SOHLH2: variants seen among roughly 807,000 people sequenced by gnomAD.
SOHLH2 encodes the protein spermatogenesis- and oogenesis-specific basic helix-loop-helix-containing protein 2.
In SOHLH2, 22 loss-of-function variants were observed where a neutral mutation model predicts 50.4. The ratio of observed to expected loss-of-function variants is 0.44; its 90% CI spans 0.31 to 0.62. The LOEUF is 0.62. SOHLH2 is among the 20% of genes least tolerant of loss of function. The probability of loss-of-function intolerance (pLI) is 0.08; values close to 1 mark genes in which losing one functional copy is unlikely to be tolerated. For missense variants in SOHLH2, 412 were observed against 504.4 expected, an observed-to-expected ratio of 0.82 and a Z score of 1.76; for synonymous variants, 185 against 187.3, an observed-to-expected ratio of 0.99 and a Z score of 0.10.
chr13:36,191,307 A>G (rs537211455), intron 5 of SOHLH2, among the ~76,000 whole-genome samples: 1 of 152,348 alleles, frequency 6.6e-6, no homozygotes, highest in African/African-American at 2.4e-5. Context: ...TACATGAGGT[A>G]CGTAAAAGAT....
At chr13:36,188,994 A>G (rs1887502459) in intron 6 of SOHLH2, among the ~76,000 whole-genome samples, 1 of 152,172 alleles carries the variant, frequency 6.6e-6, no homozygotes, top group African/African-American at 2.4e-5. Context: ...AAAAATAAAA[A>G]TATATTTACC....
chr13:36,170,420 C>T, intron 10 of SOHLH2, 111 bp downstream of exon 10: 1 of 1,456,298 alleles, frequency 6.9e-7, no homozygotes, highest in Non-Finnish European at 9.1e-7. Context: ...CAGAATCAAG[C>T]TCTTAGGTCC....
chr13:36,202,168 A>T, intron 1 of SOHLH2, 75 bp from the exon 2 acceptor site: 1 of 1,540,804 alleles, frequency 6.5e-7, no homozygotes, highest in South Asian at 1.2e-5. Flanking sequence ...TGAGAGGATA[A>T]GATAAATAAA....
At chr13:36,204,020 G>A (rs9575558) in intron 1 of SOHLH2, among the ~76,000 whole-genome samples, 22,896 of 144,184 alleles carry the variant, frequency 0.16, 2,144 homozygotes, top group East Asian at 0.42. Flanking sequence ...GCGTGATCTC[G>A]GCTCACTGTA....
chr13:36,179,315 A>G (rs1887182662), intron 6 of SOHLH2, among the ~76,000 whole-genome samples: 1 of 152,160 alleles, frequency 6.6e-6, no homozygotes, highest in Non-Finnish European at 1.5e-5. Context: ...TTGTTTTTTA[A>G]TGATAATGGT....
chr13:36,174,628 C>T, intron 7 of SOHLH2, 61 bp from the exon 8 acceptor site: 2 of 1,603,388 alleles, frequency 1.2e-6, no homozygotes, highest in Non-Finnish European at 8.5e-7. Context: ...TACAAAGACA[C>T]ATACTTTCCA....
intron 10 of SOHLH2, among the ~76,000 whole-genome samples, chr13:36,169,376 A>G (rs533349073): frequency 3.9e-5 from 6 of 152,304 alleles, no homozygotes; most frequent in South Asian, 2.1e-4. Flanking sequence ...CGATATCTGT[A>G]GACACTACAT....
Position 36,193,605 on chromosome 13 carries a change from G to T in SOHLH2, c.430+16C>A. 1.3e-6 allele frequency: 2 copies of T among 1,575,508 alleles called. No homozygotes were observed. Among genetic ancestry groups the T allele is most frequent in the Non-Finnish European group, 1.7e-6 (2 of 1,168,998 alleles). On this transcript the variant is annotated intron_variant, in intron 4 of 10. Coordinates refer to ENST00000379881, the MANE Select transcript of SOHLH2 (RefSeq NM_017826.3). Reference sequence around the variant, plus strand: ...TTTAATTCAAATTTTGAAACCTTTGGAAATTTTTTACTCACCAGTGTTTGA... The same window carrying T: ...TTTAATTCAAATTTTGAAACCTTTGTAAATTTTTTACTCACCAGTGTTTGA...
chr13:36,193,500 C>T (rs956471391), intron 4 of SOHLH2, 121 bp downstream of exon 4: 155 of 1,157,068 alleles, frequency 1.3e-4, no homozygotes, highest in Non-Finnish European at 1.8e-4. Flanking sequence ...TTTTTCTTTC[C>T]AGGTAAAGAA....
intron 6 of SOHLH2, among the ~76,000 whole-genome samples, chr13:36,184,668 T>C (rs997219488): frequency 7.2e-5 from 11 of 152,064 alleles, no homozygotes; most frequent in East Asian, 1.9e-4. Flanking sequence ...CCGTGTTAGC[T>C]AGGATGGTCT....
intron 6 of SOHLH2, among the ~76,000 whole-genome samples, chr13:36,185,393 G>C (rs972537878): frequency 2.0e-5 from 3 of 151,958 alleles, no homozygotes; most frequent in African/African-American, 7.3e-5. Context: ...CTTGAACCCG[G>C]GAGGCAGAAG....
intron 2 of SOHLH2, among the ~76,000 whole-genome samples, chr13:36,195,303 T>A (rs1887691828): frequency 6.6e-6 from 1 of 151,982 alleles, no homozygotes; most frequent in East Asian, 1.9e-4. Flanking sequence ...AAAGCAGATG[T>A]GCAGCACAGA....
chr13:36,204,170 C>T lies in SOHLH2; in HGVS notation c.49-2077G>A, dbSNP rs188834805. On this transcript the variant is annotated intron_variant, in intron 1 of 10. Transcript: ENST00000379881. ...TTCACCATGTTGGCCAGGCTAGTCT[C>T]GAACTCCTGACCTCGGGTGATCCGC... is the stretch of plus-strand genomic sequence containing the variant. Among the ~76,000 whole-genome samples, 235 of 152,072 alleles carry T rather than the reference C, an allele frequency of 1.5e-3. 2 individuals carry two copies. Among genetic ancestry groups the T allele is most frequent in the African/African-American group, 5.3e-3 (222 of 41,504 alleles).
intron 4 of SOHLH2, among the ~76,000 whole-genome samples, chr13:36,192,334 A>C (rs909269346): frequency 3.3e-5 from 5 of 152,202 alleles, no homozygotes; most frequent in Admixed American, 1.3e-4. Flanking sequence ...GACAACTGGA[A>C]GCAGACATGG....
intron 6 of SOHLH2, among the ~76,000 whole-genome samples, chr13:36,188,881 C>G (rs1260834395): frequency 6.6e-6 from 1 of 152,218 alleles, no homozygotes; most frequent in East Asian, 1.9e-4. Flanking sequence ...CCTCATTCCT[C>G]TGAGCCTGTA....
chr13:36,200,894 C>T (rs1178244051), intron 2 of SOHLH2, among the ~76,000 whole-genome samples: 1 of 151,540 alleles, frequency 6.6e-6, no homozygotes. Context: ...ACTAAAAATA[C>T]AAAAATTAGC....
intron 1 of SOHLH2, among the ~76,000 whole-genome samples, chr13:36,202,370 T>G (rs966448867): frequency 6.6e-6 from 1 of 152,200 alleles, no homozygotes; most frequent in Non-Finnish European, 1.5e-5. Context: ...TCTGCAAATT[T>G]CTCTCTCATC....
At position 36,205,864 on chromosome 13, in the gene SOHLH2, T is replaced by A. The variant is rs551684086; in HGVS notation, c.49-3771A>T. Among the ~76,000 whole-genome samples the A allele has an allele frequency of 2.6e-5, 4 of 152,162 alleles. No homozygotes were observed. The South Asian group carries it at 8.3e-4, about 32-fold the overall frequency. ...TTATAGAGCTGGATCTTACATTTCA[T>A]TTTATAGTTCCTTATTGATTAATGG... On this transcript the variant is annotated intron_variant, in intron 1 of 10. Transcript: ENST00000379881.
intron 6 of SOHLH2, among the ~76,000 whole-genome samples, chr13:36,187,216 A>G (rs960851408): frequency 4.6e-5 from 7 of 152,212 alleles, no homozygotes; most frequent in African/African-American, 1.7e-4. Flanking sequence ...CAACCATTAA[A>G]ATTTTAAAAA....
Sources: gnomAD v4.1 joint callset for allele counts (sites outside exome capture counted in the v4.1 genomes callset) on GRCh38, gnomAD v4.1.1 for gene constraint, MANE v1.5 for transcripts, NCBI Gene and HGNC (gene_info 2026-07-23, HGNC 2026-07-21) for gene names.